The following SASH1 variants were observed in gnomAD, a reference collection of about 807,000 sequenced individuals.
SASH1 encodes SAM and SH3 domain containing 1, also known as SAM and SH3 domain-containing protein 1.
SASH1 carries 44 observed loss-of-function variants against 125.2 expected under a neutral mutation model. The observed-to-expected ratio is 0.35, with a 90% CI of 0.28 to 0.45. The LOEUF (loss-of-function observed/expected upper bound fraction) is 0.45. SASH1 is among the 20% of genes least tolerant of loss of function. SASH1 has a pLI of 1.00. For missense variants in SASH1, 1,426 were observed against 1,614.5 expected (o/e 0.88, Z 2.00); for synonymous variants, 639 against 649.1 (o/e 0.98, Z 0.24).
chr6:148,399,316 C>T (rs1784082986), intron 2 of SASH1, among the ~76,000 whole-genome samples: 1 of 144,686 alleles, frequency 6.9e-6, no homozygotes, highest in African/African-American at 2.6e-5. Flanking sequence ...CTCCCGGGTT[C>T]AAGTGATTCT....
chr6:148,207,974 A>C, the SASH1 span, among the ~76,000 whole-genome samples: 1 of 152,216 alleles, frequency 6.6e-6, no homozygotes, highest in South Asian at 2.1e-4. Context: ...CTCAGAGACC[A>C]TGACTGCATT....
At chr6:148,537,749 G>A (rs1360977591) in intron 16 of SASH1, among the ~76,000 whole-genome samples, 3 of 149,132 alleles carry the variant, frequency 2.0e-5, no homozygotes, top group Non-Finnish European at 4.4e-5. Context: ...TTTGATGTTG[G>A]AATATTCATA....
At chr6:148,272,421 G>A (rs919416479) in intron 1 of SASH1, 13 of 469,398 alleles carry the variant, frequency 2.8e-5, no homozygotes, top group Non-Finnish European at 5.3e-5. Flanking sequence ...TGTTTTTGGT[G>A]CCTTCTGACA....
intron 1 of SASH1, among the ~76,000 whole-genome samples, chr6:148,307,364 C>A (rs1392453212): frequency 6.6e-6 from 1 of 152,028 alleles, no homozygotes; most frequent in African/African-American, 2.4e-5. Flanking sequence ...GATCTGCCTG[C>A]CTCGGCCTCC....
Position 148,549,270 on chromosome 6 carries a change from C to T in SASH1, c.*712C>T. 1 of 218,916 alleles carries T rather than the reference C, an allele frequency of 4.6e-6. No individual in the cohort carries two copies. Among genetic ancestry groups the T allele is most frequent in the East Asian group, 9.8e-5 (1 of 10,220 alleles). The allele number at this position is 218,916 out of a possible 1,614,324, so 13.6% of individuals were successfully genotyped here. The stretch of plus-strand genomic sequence containing the variant: ...CTGGGATGTTTCCAGCAAAAGTGAG[C>T]TTTTCTAATCGTCTCATTGTAACAT... On this transcript the variant is annotated 3_prime_UTR_variant, in exon 20 of 20. Coordinates refer to ENST00000367467, the MANE Select transcript of SASH1 (RefSeq NM_015278.5).
chr6:148,519,506 C>A lies in SASH1; in HGVS notation c.863-41C>A. 1 of 1,462,496 alleles carries A rather than the reference C, an allele frequency of 6.8e-7. No individual in the cohort carries two copies. The highest frequency in any genetic ancestry group is 9.5e-7 in the Non-Finnish European group (1 of 1,052,650). The allele number at this position is 1,462,496 out of a possible 1,614,324, so 90.6% of individuals were successfully genotyped here. Reference sequence around the variant, plus strand: ...GTAAAGAAAGATGTATGCAAGAATGCAAAGGTGTGTTCACAAGAGACTCTG... The same window carrying A: ...GTAAAGAAAGATGTATGCAAGAATGAAAAGGTGTGTTCACAAGAGACTCTG... On this transcript the variant is annotated intron_variant, in intron 9 of 19. Coordinates refer to ENST00000367467, the MANE Select transcript of SASH1 (RefSeq NM_015278.5). The surrounding 1 kb of genome is among the most constrained non-coding windows in gnomAD (Gnocchi z 4.8).
At chr6:148,438,215 G>T (rs1453343600) in intron 2 of SASH1, among the ~76,000 whole-genome samples, 1 of 152,152 alleles carries the variant, frequency 6.6e-6, no homozygotes, top group Non-Finnish European at 1.5e-5. Context: ...CTCCTGAATA[G>T]GAAGGAAGAT....
At position 148,543,777 on chromosome 6, in the gene SASH1, G is replaced by A. The variant is rs1449079560; in HGVS notation, c.2307G>A (p.Leu769=). The A allele has an allele frequency of 5.0e-6, 8 of 1,613,762 alleles. No individual in the cohort carries two copies. Among genetic ancestry groups the A allele is most frequent in the Non-Finnish European group, 8.5e-7 (1 of 1,179,878 alleles). The change falls in exon 18 of 20, where the codon TTG becomes TTA. Residue 769 remains leucine, a synonymous_variant. Transcript: ENST00000367467. Reference sequence around the variant, plus strand: ...ACCAGTTGGGCAATTACCCAACATTGCCTTTAATGAAATCAGGGGATGCAC... The same window carrying A: ...ACCAGTTGGGCAATTACCCAACATTACCTTTAATGAAATCAGGGGATGCAC... ...SRNQLGNYPT[L]PLMKSGDALK...
At chr6:148,440,468 T>G in intron 4 of SASH1, 61 bp downstream of exon 4, 1 of 1,396,408 alleles carries the variant, frequency 7.2e-7, no homozygotes, top group East Asian at 2.3e-5. Flanking sequence ...AGGTCCATGC[T>G]GACGGAAATC....
intron 2 of SASH1, among the ~76,000 whole-genome samples, chr6:148,406,356 C>T (rs1421769606): frequency 6.6e-6 from 1 of 151,908 alleles, no homozygotes; most frequent in Non-Finnish European, 1.5e-5. Flanking sequence ...AAAAAGAAGT[C>T]GTAGATAAAA....
At chr6:148,492,049 TGTCCATACCGG>T (rs1447009853) in intron 8 of SASH1, among the ~76,000 whole-genome samples, 4 of 152,200 alleles carry the variant, frequency 2.6e-5, no homozygotes, top group African/African-American at 9.7e-5. Flanking sequence ...AAGACCCAGT[TGTCCATACCGG>T]GTCCCTTAGT....
chr6:148,314,780 T>C (rs1582953865), intron 1 of SASH1, among the ~76,000 whole-genome samples: 1 of 151,780 alleles, frequency 6.6e-6, no homozygotes, highest in East Asian at 1.9e-4. Context: ...TTTTTTTTTT[T>C]TTTTTTTGAG....
chr6:148,307,748 G>A (rs1259628082), intron 1 of SASH1, among the ~76,000 whole-genome samples: 1 of 152,136 alleles, frequency 6.6e-6, no homozygotes, highest in Admixed American at 6.6e-5. Context: ...CAGCCTCTTA[G>A]TCAACTTAAC....
intron 1 of SASH1, among the ~76,000 whole-genome samples, chr6:148,361,619 G>A (rs947984233): frequency 1.3e-5 from 2 of 151,750 alleles, no homozygotes; most frequent in Non-Finnish European, 2.9e-5. Flanking sequence ...AAAGGAAAGG[G>A]AAAAAAAGGA....
chr6:148,322,961 C>T (rs1386175681), intron 1 of SASH1, among the ~76,000 whole-genome samples: 1 of 140,842 alleles, frequency 7.1e-6, no homozygotes, highest in Non-Finnish European at 1.5e-5. Flanking sequence ...CTCCCTCCCT[C>T]CCTCTCTACT....
At position 148,551,213 on chromosome 6, in the gene SASH1, TTGAC is replaced by T. The variant is rs951478459; in HGVS notation, c.*2659_*2662del. The T allele has an allele frequency of 2.2e-4, 34 of 152,704 alleles. No individual in the cohort carries two copies. Among genetic ancestry groups the T allele is most frequent in the Non-Finnish European group, 4.6e-4 (31 of 68,022 alleles). The allele number at this position is 152,704 out of a possible 1,614,324, so 9.5% of individuals were successfully genotyped here. A position where few individuals can be genotyped will look rare whatever the true frequency, so the allele number is the denominator to read the frequency against. ...AAAGCTGAATGTTTGGGTGTGACGT[TTGAC>T]TGAGGTGGATTGGGGCTGCCTGTGG... On this transcript the variant is annotated 3_prime_UTR_variant, in exon 20 of 20. Transcript: ENST00000367467.
chr6:148,365,717 A>G (rs1782421171), intron 1 of SASH1, among the ~76,000 whole-genome samples: 2 of 152,042 alleles, frequency 1.3e-5, no homozygotes, highest in South Asian at 2.1e-4. Flanking sequence ...GCTCATCCCT[A>G]TAATCCCAGC....
At chr6:148,361,691 G>C (rs1782214114) in intron 1 of SASH1, among the ~76,000 whole-genome samples, 1 of 152,012 alleles carries the variant, frequency 6.6e-6, no homozygotes, top group Non-Finnish European at 1.5e-5. Context: ...AGTAGAAAAA[G>C]AACATTGAGA....
chr6:148,285,566 T>G (rs1779461096), intron 1 of SASH1, among the ~76,000 whole-genome samples: 1 of 152,086 alleles, frequency 6.6e-6, no homozygotes, highest in Non-Finnish European at 1.5e-5. Context: ...CTGTTTTGGT[T>G]TTTTTTTCCT....
Sources: gnomAD v4.1 joint callset for allele counts (sites outside exome capture counted in the v4.1 genomes callset) on GRCh38, gnomAD v4.1.1 for gene constraint, Gnocchi (gnomAD v3.1) non-coding constraint, MANE v1.5 for transcripts, NCBI Gene and HGNC (gene_info 2026-07-23, HGNC 2026-07-21) for gene names.